Variants in PRKD1 observed in about 807,000 individuals in gnomAD.
PRKD1 encodes the protein protein kinase D1, also known as serine/threonine-protein kinase D1.
In PRKD1, 63 loss-of-function variants were observed where a neutral mutation model predicts 95.9. The ratio of observed to expected loss-of-function variants is 0.66; its 90% CI spans 0.54 to 0.81. The LOEUF is 0.81. PRKD1 is among the 30% of genes least tolerant of loss of function. The probability of loss-of-function intolerance (pLI) is 0.00; values close to 1 mark genes in which losing one functional copy is unlikely to be tolerated. For synonymous variants in PRKD1, 425 were observed against 423.1 expected (o/e 1.00, Z -0.05); for missense variants, 1,048 against 1,165.3 (o/e 0.90, Z 1.47).
intron 1 of PRKD1, among the ~76,000 whole-genome samples, chr14:29,875,598 T>C (rs544189797): frequency 6.6e-6 from 1 of 152,180 alleles, no homozygotes; most frequent in Non-Finnish European, 1.5e-5. Flanking sequence ...TTCCAATAAA[T>C]GACATGTTAA....
chr14:29,748,216 G>A (rs1186754412), intron 1 of PRKD1, among the ~76,000 whole-genome samples: 1 of 152,002 alleles, frequency 6.6e-6, no homozygotes, highest in Non-Finnish European at 1.5e-5. Flanking sequence ...AATGTGCTAT[G>A]GTTTGGGATT....
intron 1 of PRKD1, among the ~76,000 whole-genome samples, chr14:29,887,733 T>A (rs993986687): frequency 6.6e-6 from 1 of 152,218 alleles, no homozygotes; most frequent in Non-Finnish European, 1.5e-5. Context: ...CACAAATATT[T>A]ACCATGTGTT....
At chr14:29,838,439 T>A (rs1891695474) in intron 1 of PRKD1, among the ~76,000 whole-genome samples, 1 of 152,184 alleles carries the variant, frequency 6.6e-6, no homozygotes. Context: ...CCCTGTATAA[T>A]CCTTCCAAGA....
intron 1 of PRKD1, among the ~76,000 whole-genome samples, chr14:29,743,322 C>T (rs778855825): frequency 9.9e-5 from 15 of 152,002 alleles, no homozygotes; most frequent in Non-Finnish European, 2.2e-4. Flanking sequence ...TCAGTCACTG[C>T]ACTAATTCAC....
intron 1 of PRKD1, among the ~76,000 whole-genome samples, chr14:29,827,977 TTTG>T (rs1891263131): frequency 1.3e-5 from 2 of 152,154 alleles, no homozygotes; most frequent in South Asian, 4.2e-4. Context: ...TTGGCCTCCT[TTTG>T]TTTTCTCCTT....
intron 2 of PRKD1, among the ~76,000 whole-genome samples, chr14:29,684,661 A>G (rs1883749755): frequency 1.3e-5 from 2 of 152,306 alleles, no homozygotes; most frequent in Non-Finnish European, 1.5e-5. Flanking sequence ...GTGTTTACCA[A>G]GATAATTCTA....
chr14:29,772,076 G>A (rs1277150544), intron 1 of PRKD1, among the ~76,000 whole-genome samples: 1 of 152,200 alleles, frequency 6.6e-6, no homozygotes, highest in Non-Finnish European at 1.5e-5. Flanking sequence ...TTCGATATTT[G>A]GATGAGACTG....
chr14:29,809,819 T>C (rs1021481931), intron 1 of PRKD1, among the ~76,000 whole-genome samples: 1 of 152,220 alleles, frequency 6.6e-6, no homozygotes, highest in African/African-American at 2.4e-5. Context: ...AGTAGCACTT[T>C]TAATTTCCTT....
At chr14:29,739,280 C>G (rs1023943796) in intron 1 of PRKD1, among the ~76,000 whole-genome samples, 1 of 152,216 alleles carries the variant, frequency 6.6e-6, no homozygotes, top group African/African-American at 2.4e-5. Flanking sequence ...TTTTCTCATT[C>G]AAGACAAGAC....
rs150290031 is a variant in PRKD1 at position 29,642,069 on chromosome 14, A to C, written c.697-3165T>G. Among the ~76,000 whole-genome samples, 421 of 151,784 alleles carry C rather than the reference A, an allele frequency of 2.8e-3. 1 individual carries two copies. The highest frequency in any genetic ancestry group is 9.0e-3 in the African/African-American group (371 of 41,400). ...TAGGCATGTGCCACCACGCCCGGCT[A>C]ATTTTGTATTTTTAGTAGAGACAGG... On this transcript the variant is annotated intron_variant, in intron 4 of 17. Transcript: ENST00000331968.
At chr14:29,604,795 T>G (rs4981711) in intron 13 of PRKD1, among the ~76,000 whole-genome samples, 12 of 151,966 alleles carry the variant, frequency 7.9e-5, no homozygotes, top group Non-Finnish European at 1.8e-4. Context: ...TATAAAAGTA[T>G]TTGTTAAAGA....
rs1880369540 is a variant in PRKD1, at chr14:29,636,330, C to T, written c.1150G>A (p.Asp384Asn). Residue 384 changes from aspartate to asparagine, a missense_variant, in exon 7 of 18, where the codon GAT (aspartate) becomes AAT (asparagine). Coordinates refer to ENST00000331968, the MANE Select transcript of PRKD1 (RefSeq NM_002742.3). Reference protein sequence around the residue: ...ECQNDSGEMQDPDPDHEDANR... With the variant: ...ECQNDSGEMQNPDPDHEDANR... ...GCGTCCTCGTGGTCTGGGTCTGGAT[C>T]TTGCATCTCGCCACTGTCGTTCTGG... 1 of 1,614,214 alleles carries T rather than the reference C, an allele frequency of 6.2e-7. No homozygotes were observed. The highest frequency in any genetic ancestry group is 8.5e-7 in the Non-Finnish European group (1 of 1,180,034).
In PRKD1 at chr14:29,849,672, C is replaced by T. The variant is rs528480833; in HGVS notation, c.264+77577G>A. Among the ~76,000 whole-genome samples, 292 of 151,918 alleles carry T rather than the reference C, an allele frequency of 1.9e-3. 2 individuals carry two copies. The highest frequency in any genetic ancestry group is 6.2e-3 in the African/African-American group (258 of 41,446). ...AAAGAAGAGCTGGTACCAATCCCAC[C>T]GAAACTATTCCCCAAAATAGAGGCA... On this transcript the variant is annotated intron_variant, in intron 1 of 17. Coordinates refer to ENST00000331968, the MANE Select transcript of PRKD1 (RefSeq NM_002742.3).
chr14:29,676,140 G>C (rs895674578), intron 2 of PRKD1, among the ~76,000 whole-genome samples: 3 of 143,488 alleles, frequency 2.1e-5, no homozygotes, highest in African/African-American at 8.0e-5. Flanking sequence ...AAAAAAGTAA[G>C]TCATCTACAT....
chr14:29,868,796 T>G (rs1893001280), intron 1 of PRKD1, among the ~76,000 whole-genome samples: 1 of 152,218 alleles, frequency 6.6e-6, no homozygotes, highest in South Asian at 2.1e-4. Context: ...AATGAAACAC[T>G]AGGCACAGTA....
intron 1 of PRKD1, among the ~76,000 whole-genome samples, chr14:29,854,513 CT>C (rs1892424824): frequency 6.6e-6 from 1 of 152,138 alleles, no homozygotes; most frequent in African/African-American, 2.4e-5. Context: ...GACTTGAGTG[CT>C]GTTAAAGGCA....
In PRKD1 at chr14:29,782,957, G is replaced by T. The variant is rs1594514697; in HGVS notation, c.265-57283C>A. ...ATGCAATTTGTATTGATCAAATCAG[G>T]GTATTTAGGATATCCATCACCTCAA... On this transcript the variant is annotated intron_variant, in intron 1 of 17. Transcript: ENST00000331968. 2.0e-5 allele frequency among the ~76,000 whole-genome samples: 3 copies of T among 152,168 alleles called. No individual in the cohort carries two copies. The East Asian group carries it at 5.8e-4, about 29-fold the overall frequency.
At chr14:29,659,137 T>C (rs1321579491) in intron 4 of PRKD1, among the ~76,000 whole-genome samples, 1 of 152,216 alleles carries the variant, frequency 6.6e-6, no homozygotes, top group African/African-American at 2.4e-5. Flanking sequence ...GCCAGCATCC[T>C]AGAAAGCTCA....
chr14:29,782,127 T>C (rs977392873), intron 1 of PRKD1, among the ~76,000 whole-genome samples: 1 of 152,200 alleles, frequency 6.6e-6, no homozygotes, highest in South Asian at 2.1e-4. Flanking sequence ...AAGACTGAAA[T>C]CCTACTTGTT....
Sources: allele counts gnomAD v4.1 joint callset (sites outside exome capture counted in the v4.1 genomes callset), GRCh38; gene constraint gnomAD v4.1.1; transcripts MANE v1.5; gene names NCBI Gene and HGNC (gene_info 2026-07-23, HGNC 2026-07-21).